CPSF4L: variants seen among roughly 807,000 people sequenced by gnomAD.
CPSF4L encodes the protein putative cleavage and polyadenylation specificity factor subunit 4-like protein.
CPSF4L carries 18 observed loss-of-function variants against 24.0 expected under a neutral mutation model. The observed-to-expected ratio is 0.75, with a 90% CI of 0.52 to 1.11. The LOEUF is 1.11. CPSF4L is among the 50% of genes least tolerant of loss of function. The probability of loss-of-function intolerance (pLI) is 0.00; values close to 1 mark genes in which losing one functional copy is unlikely to be tolerated. For synonymous variants in CPSF4L, 72 were observed against 77.2 expected (o/e 0.93, Z 0.35); for missense variants, 211 against 221.8 (o/e 0.95, Z 0.31).
At chr17:73,245,916 T>C (rs551769866), downstream of CPSF4L, among the ~76,000 whole-genome samples, 32 of 152,312 alleles carry the variant, frequency 2.1e-4, no homozygotes, top group African/African-American at 6.5e-4. Context: ...AGAGTTTCTG[T>C]GCATTACTGA....
the CPSF4L span, chr17:73,243,085 T>TTTTTG: frequency 1.1e-6 from 1 of 877,196 alleles, no homozygotes; most frequent in Non-Finnish European, 1.7e-6. Flanking sequence ...GAATTTTTTT[T>TTTTTG]TTTTTTTTTT....
intron 4 of CPSF4L, among the ~76,000 whole-genome samples, 168 bp from the exon 5 acceptor site, chr17:73,252,891 C>G (rs8068398): frequency 0.041 from 6,204 of 152,190 alleles, 342 homozygotes; most frequent in African/African-American, 0.12. Flanking sequence ...CCACTTCTAG[C>G]CATGAGACAG....
chr17:73,254,145 T>C, intron 3 of CPSF4L, 119 bp from the exon 4 acceptor site: 1 of 725,048 alleles, frequency 1.4e-6, no homozygotes, highest in Non-Finnish European at 2.3e-6. Flanking sequence ...ATTCTGGGAG[T>C]CACCAGCTTT....
downstream of CPSF4L, chr17:73,248,343 G>A (rs1487436380): frequency 4.1e-6 from 3 of 727,318 alleles, no homozygotes; most frequent in Non-Finnish European, 7.0e-6. Context: ...ACAGAGCCAA[G>A]GAAAGAAAAA....
At chr17:73,257,610 G>T in intron 3 of CPSF4L, 71 bp downstream of exon 3, 1 of 1,503,274 alleles carries the variant, frequency 6.7e-7, no homozygotes, top group South Asian at 1.2e-5. Context: ...CGCTCCTCTA[G>T]AAACCTTCCC....
At chr17:73,243,785 G>A (rs761567150), downstream of CPSF4L, among the ~76,000 whole-genome samples, 1 of 151,600 alleles carries the variant, frequency 6.6e-6, no homozygotes, top group Non-Finnish European at 1.5e-5. Flanking sequence ...CTCCTGCCTC[G>A]GCCTCCCAAA....
chr17:73,257,450 G>A (rs1028608184), intron 3 of CPSF4L, among the ~76,000 whole-genome samples: 1 of 151,284 alleles, frequency 6.6e-6, no homozygotes, highest in African/African-American at 2.4e-5. Context: ...CCTTTTGGGG[G>A]TATCTGGTAT....
intron 1 of CPSF4L, among the ~76,000 whole-genome samples, chr17:73,261,401 C>A (rs2062044730): frequency 6.6e-6 from 1 of 152,210 alleles, no homozygotes; most frequent in East Asian, 1.9e-4. Flanking sequence ...GTGGCTCATG[C>A]CTGTAATCCC....
chr17:73,246,875 C>A (rs1223235745), downstream of CPSF4L, among the ~76,000 whole-genome samples: 1 of 152,144 alleles, frequency 6.6e-6, no homozygotes, highest in East Asian at 1.9e-4. Flanking sequence ...GAGCTTTGTG[C>A]CCATTCTCTG....
At chr17:73,258,214 G>T (rs1348515681) in intron 2 of CPSF4L, among the ~76,000 whole-genome samples, 1 of 152,112 alleles carries the variant, frequency 6.6e-6, no homozygotes, top group South Asian at 2.1e-4. Context: ...GTTTCACCGT[G>T]TTAGCCAGGA....
At chr17:73,259,535 G>A (rs2062037243) in intron 2 of CPSF4L, among the ~76,000 whole-genome samples, 1 of 152,150 alleles carries the variant, frequency 6.6e-6, no homozygotes, top group Non-Finnish European at 1.5e-5. Context: ...GACTTGCTTG[G>A]TTCTGACCTT....
intron 4 of CPSF4L, 83 bp from the exon 5 acceptor site, chr17:73,252,806 T>C (rs2062010823): frequency 1.1e-6 from 1 of 880,474 alleles, no homozygotes. Flanking sequence ...CTAGGAAGGG[T>C]GTGGATGGTC....
chr17:73,258,563 A>C (rs997532028), intron 2 of CPSF4L, among the ~76,000 whole-genome samples: 2 of 151,864 alleles, frequency 1.3e-5, no homozygotes, highest in South Asian at 4.2e-4. Flanking sequence ...CAGCCTCCCA[A>C]AGTGCTGGGA....
At chr17:73,243,830 G>A (rs538108640), downstream of CPSF4L, among the ~76,000 whole-genome samples, 34 of 152,298 alleles carry the variant, frequency 2.2e-4, no homozygotes, top group African/African-American at 7.5e-4. Flanking sequence ...ACCGCACTCA[G>A]CCTTTGTAGC....
downstream of CPSF4L, chr17:73,245,809 T>C: frequency 1.3e-6 from 1 of 768,446 alleles, no homozygotes; most frequent in Non-Finnish European, 1.6e-6. Context: ...AATCACATTT[T>C]ATACATCTTA....
chr17:73,248,910 ATAC>A (rs1479902358), intron 5 of CPSF4L: 1 of 181,504 alleles, frequency 5.5e-6, no homozygotes, highest in African/African-American at 2.4e-5. Flanking sequence ...GGGCATCTAC[ATAC>A]TACTTCCGCC....
intron 3 of CPSF4L, 86 bp downstream of exon 3, chr17:73,257,595 G>C: frequency 7.2e-7 from 1 of 1,397,582 alleles, no homozygotes; most frequent in South Asian, 1.3e-5. Context: ...CCTCCTCTGC[G>C]TGCCCGCTCC....
downstream of CPSF4L, among the ~76,000 whole-genome samples, chr17:73,246,955 G>A (rs1425457700): frequency 6.6e-6 from 1 of 152,118 alleles, no homozygotes; most frequent in Non-Finnish European, 1.5e-5. Context: ...CTCAAGACCA[G>A]AAACTCTCAA....
At chr17:73,243,814 T>G (rs1017255176), downstream of CPSF4L, among the ~76,000 whole-genome samples, 6 of 152,330 alleles carry the variant, frequency 3.9e-5, no homozygotes, top group African/African-American at 1.2e-4. Flanking sequence ...ATTACAGGCA[T>G]GAGCCACCGC....
Sources: gnomAD v4.1 joint callset for allele counts (sites outside exome capture counted in the v4.1 genomes callset) on GRCh38, gnomAD v4.1.1 for gene constraint, MANE v1.5 for transcripts, NCBI Gene and HGNC (gene_info 2026-07-23, HGNC 2026-07-21) for gene names.